The following PYM1 variants were observed in gnomAD, a reference collection of about 807,000 sequenced individuals.
PYM1 encodes PYM1 exon junction complex associated factor, also known as partner of Y14 and mago.
PYM1 carries 7 observed loss-of-function variants against 20.7 expected under a neutral mutation model. The observed-to-expected ratio is 0.34, with a 90% CI of 0.19 to 0.64. PYM1 has a LOEUF of 0.64. Among genes scored for constraint, PYM1 ranks in the 30% least tolerant of loss-of-function variants. The pLI is 0.74. For missense variants in PYM1, 194 were observed against 250.0 expected (o/e 0.78, Z 1.51); for synonymous variants, 100 against 99.2 (o/e 1.01, Z -0.05).
chr12:55,923,847 G>C (rs1883141912), intron 1 of PYM1, among the ~76,000 whole-genome samples: 1 of 152,102 alleles, frequency 6.6e-6, no homozygotes, highest in South Asian at 2.1e-4. Flanking sequence ...GGAGGCCAAG[G>C]CTGGCAGATC....
chr12:55,927,470 T>C, intron 1 of PYM1: 1 of 695,496 alleles, frequency 1.4e-6, no homozygotes, highest in South Asian at 1.6e-5. Context: ...AAGGGGGCCT[T>C]ATAAATGAAG....
chr12:55,926,568 A>G (rs1883190755), intron 1 of PYM1, among the ~76,000 whole-genome samples: 1 of 152,126 alleles, frequency 6.6e-6, no homozygotes. Flanking sequence ...ACACCTCTAA[A>G]CCTCAGTGAC....
At chr12:55,910,120 A>C (rs1198088042) in intron 1 of PYM1, among the ~76,000 whole-genome samples, 1 of 152,094 alleles carries the variant, frequency 6.6e-6, no homozygotes, top group Non-Finnish European at 1.5e-5. Flanking sequence ...TGTGTTGATG[A>C]AAAGAGTCAA....
At chr12:55,906,590 G>A (rs1169442693) in intron 1 of PYM1, among the ~76,000 whole-genome samples, 1 of 152,092 alleles carries the variant, frequency 6.6e-6, no homozygotes, top group East Asian at 1.9e-4. Flanking sequence ...CCCCTTAAGG[G>A]TCCTGAACCA....
At chr12:55,915,255 CAGTATTAAAT>C (rs1882987211) in intron 1 of PYM1, among the ~76,000 whole-genome samples, 1 of 117,406 alleles carries the variant, frequency 8.5e-6, no homozygotes, top group Admixed American at 9.2e-5. Context: ...AGGTGATTAA[CAGTATTAAAT>C]ACTGCAGAGA....
At chr12:55,905,205 T>G (rs1411635578) in intron 1 of PYM1, among the ~76,000 whole-genome samples, 1 of 149,996 alleles carries the variant, frequency 6.7e-6, no homozygotes, top group Non-Finnish European at 1.5e-5. Flanking sequence ...AAGACGGGGT[T>G]TCACCATGTT....
rs138189449 is a variant in PYM1 at position 55,907,058 on chromosome 12, A to G, written c.38-3578T>C. ...GACACATACCAAACTGTTAATACAT[A>G]TCAAACATATATATATATATGTTAA... is the stretch of plus-strand genomic sequence containing the variant. On this transcript the variant is annotated intron_variant, in intron 1 of 2. Transcript: ENST00000408946. 3.7e-3 allele frequency among the ~76,000 whole-genome samples: 542 copies of G among 148,158 alleles called. 2 individuals are homozygous for G. The highest frequency in any genetic ancestry group is 0.013 in the African/African-American group (517 of 39,914).
chr12:55,912,969 GAAA>G (rs373653420), intron 1 of PYM1, among the ~76,000 whole-genome samples: 2 of 139,018 alleles, frequency 1.4e-5, no homozygotes, highest in Non-Finnish European at 3.2e-5. Flanking sequence ...CGTCTCAAAA[GAAA>G]AAAAAAAAAT....
chr12:55,910,301 G>A (rs1418803717), intron 1 of PYM1, among the ~76,000 whole-genome samples: 1 of 148,386 alleles, frequency 6.7e-6, no homozygotes, highest in Non-Finnish European at 1.5e-5. Flanking sequence ...TTTTTTTTGA[G>A]ACGGAATCTC....
chr12:55,920,946 T>C (rs1014638370), intron 1 of PYM1, among the ~76,000 whole-genome samples: 2 of 152,204 alleles, frequency 1.3e-5, no homozygotes, highest in African/African-American at 4.8e-5. Context: ...GAAAGATATA[T>C]GCCATATATA....
At chr12:55,920,878 A>C (rs1274380444) in intron 1 of PYM1, among the ~76,000 whole-genome samples, 1 of 152,230 alleles carries the variant, frequency 6.6e-6, no homozygotes, top group Non-Finnish European at 1.5e-5. Flanking sequence ...GGCTAAATGA[A>C]AAGGCAAGAT....
chr12:55,921,738 T>G (rs1217577811), intron 1 of PYM1, among the ~76,000 whole-genome samples: 1 of 152,126 alleles, frequency 6.6e-6, no homozygotes, highest in Non-Finnish European at 1.5e-5. Context: ...TGTTCAAAAC[T>G]GGAACATTTG....
rs1438271136 is a variant in PYM1, at chr12:55,903,383, G to A, written c.131+4C>T. 23 of 1,613,504 alleles carry A rather than the reference G, an allele frequency of 1.4e-5. No individual in the cohort carries two copies. Among genetic ancestry groups the A allele is most frequent in the Non-Finnish European group, 1.9e-5 (23 of 1,179,722 alleles). On this transcript the variant is annotated splice_donor_region_variant and intron_variant, in intron 2 of 2. Coordinates refer to ENST00000408946, the MANE Select transcript of PYM1 (RefSeq NM_032345.3). ...AAACCCCTACGCAAAGCCTAACCAC[G>A]TACACTGGGACCTCCTCCTGGGGCA...
intron 1 of PYM1, among the ~76,000 whole-genome samples, chr12:55,904,390 G>A (rs563433934): frequency 3.3e-5 from 5 of 150,926 alleles, no homozygotes; most frequent in South Asian, 4.2e-4. Context: ...TCAGGAGTTC[G>A]AGACCAGCCT....
chr12:55,927,768 AGAGGCAGCGGACCAGGTTG>A lies in PYM1; in HGVS notation c.-26_-8del, dbSNP rs1482475051. On this transcript the variant is annotated 5_prime_UTR_variant, in exon 1 of 3. Transcript: ENST00000408946. ...GGCTGCCGGCAGCTTCCATGGCCGA[AGAGGCAGCGGACCAGGTTG>A]GGCGGGCGGCCCTGGCCTGGCTCTG... The A allele has an allele frequency of 1.9e-5, 30 of 1,538,762 alleles. No homozygotes were observed. Among genetic ancestry groups the A allele is most frequent in the Non-Finnish European group, 2.6e-5 (30 of 1,146,286 alleles).
chr12:55,907,377 T>C (rs1882838643), intron 1 of PYM1, among the ~76,000 whole-genome samples: 2 of 149,550 alleles, frequency 1.3e-5, no homozygotes, highest in Admixed American at 6.7e-5. Context: ...GGCAGGTGGA[T>C]TGCCTGAACT....
At chr12:55,908,873 C>T (rs751973342) in intron 1 of PYM1, among the ~76,000 whole-genome samples, 23 of 151,658 alleles carry the variant, frequency 1.5e-4, no homozygotes, top group Admixed American at 5.3e-4. Context: ...TAAAATAAAA[C>T]AAAAAAAGTT....
At chr12:55,904,729 T>C (rs1555180388) in intron 1 of PYM1, among the ~76,000 whole-genome samples, 1 of 151,492 alleles carries the variant, frequency 6.6e-6, no homozygotes, top group Non-Finnish European at 1.5e-5. Flanking sequence ...ATACAAAAAT[T>C]AGCCGGGTGT....
At chr12:55,916,759 T>C (rs571278817) in intron 1 of PYM1, among the ~76,000 whole-genome samples, 260 of 151,968 alleles carry the variant, frequency 1.7e-3, no homozygotes, top group African/African-American at 6.0e-3. Context: ...GGTCAGGCCA[T>C]TGCACTCCAC....
Sources: allele counts gnomAD v4.1 joint callset (sites outside exome capture counted in the v4.1 genomes callset), GRCh38; gene constraint gnomAD v4.1.1; transcripts MANE v1.5; gene names NCBI Gene and HGNC (gene_info 2026-07-23, HGNC 2026-07-21).